PCDH15: variants seen among roughly 807,000 people sequenced by gnomAD.
The protein encoded by PCDH15 is protocadherin related 15, also known as protocadherin-15.
A neutral mutation model predicts 178.5 loss-of-function variants in PCDH15; 129 were observed. The ratio of observed to expected loss-of-function variants is 0.72; its 90% CI spans 0.63 to 0.84. The LOEUF is 0.84. Ranked by LOEUF, PCDH15 falls within the 40% of genes least tolerant of loss-of-function variation. PCDH15 has a pLI of 0.00. For missense variants in PCDH15, 2,230 were observed against 2,099.9 expected (o/e 1.06, Z -1.21); for synonymous variants, 800 against 732.0 (o/e 1.09, Z -1.50).
intron 1 of PCDH15, among the ~76,000 whole-genome samples, chr10:54,776,424 C>T (rs193109324): frequency 1.2e-4 from 18 of 150,116 alleles, no homozygotes; most frequent in African/African-American, 4.2e-4. Context: ...AGACACAGTT[C>T]TAACCATACA....
chr10:54,291,488 G>A (rs988179577), intron 8 of PCDH15, among the ~76,000 whole-genome samples: 53 of 152,146 alleles, frequency 3.5e-4, no homozygotes, highest in Non-Finnish European at 4.4e-5. Flanking sequence ...AGAACTGAAG[G>A]AGATAGGGAC....
chr10:54,655,296 G>GAC (rs1242176478), intron 2 of PCDH15, among the ~76,000 whole-genome samples: 21 of 120,128 alleles, frequency 1.7e-4, no homozygotes, highest in East Asian at 5.4e-4. Context: ...GAGAGAGAGA[G>GAC]AGAGAGACAG....
chr10:54,045,173 G>C (rs986902649), intron 18 of PCDH15, among the ~76,000 whole-genome samples: 1 of 151,510 alleles, frequency 6.6e-6, no homozygotes, highest in Non-Finnish European at 1.5e-5. Flanking sequence ...AGATGGAAAT[G>C]ACAAATCAAG....
intron 2 of PCDH15, among the ~76,000 whole-genome samples, chr10:55,425,468 C>T (rs1436758367): frequency 6.6e-6 from 1 of 151,972 alleles, no homozygotes; most frequent in Non-Finnish European, 1.5e-5. Flanking sequence ...ATATAAATAG[C>T]TATATTCAGA....
At chr10:54,366,028 T>C (rs1293931658) in intron 5 of PCDH15, among the ~76,000 whole-genome samples, 1 of 152,110 alleles carries the variant, frequency 6.6e-6, no homozygotes, top group African/African-American at 2.4e-5. Context: ...TGAAAGTAGT[T>C]ATAATTTAGA....
In PCDH15 at chr10:54,923,124, T is replaced by C. The variant is rs1837537059; in HGVS notation, c.-79-25624A>G. Among the ~76,000 whole-genome samples, 2 of 108,980 alleles carry C rather than the reference T, an allele frequency of 1.8e-5. 1 individual carries two copies. Among genetic ancestry groups the C allele is most frequent in the Non-Finnish European group, 4.7e-5 (2 of 42,574 alleles). 71.5% of individuals were successfully genotyped at this position (108,980 alleles called of 152,430 possible). A position where few individuals can be genotyped will look rare whatever the true frequency, so the allele number is the denominator to read the frequency against. On this transcript the variant is annotated intron_variant, in intron 2 of 5. Coordinates refer to the PCDH15 transcript ENST00000458638. ...CCTGCAGGCCCAACCACGTGGAAGC[T>C]GCCCAGGCTTGAGGATTGTACCCTC... is the stretch of plus-strand genomic sequence containing the variant.
intron 21 of PCDH15, among the ~76,000 whole-genome samples, chr10:53,984,282 T>A (rs1280260468): frequency 6.6e-6 from 1 of 151,304 alleles, no homozygotes. Context: ...CCCAAGTAGC[T>A]GGGACTACAG....
chr10:54,212,472 C>T (rs966544458), intron 10 of PCDH15, among the ~76,000 whole-genome samples: 17 of 152,164 alleles, frequency 1.1e-4, no homozygotes, highest in Admixed American at 4.6e-4. Context: ...TACTTCTGTG[C>T]CTCCTTATGT....
rs140954441 is a variant in PCDH15, at chr10:55,391,836, C to T, written c.-155-225185G>A. Among the ~76,000 whole-genome samples, 197 of 152,314 alleles carry T rather than the reference C, an allele frequency of 1.3e-3. 3 individuals are homozygous for T. The highest frequency in any genetic ancestry group is 4.7e-3 in the African/African-American group (196 of 41,584). On this transcript the variant is annotated intron_variant, in intron 2 of 5. Coordinates refer to the PCDH15 transcript ENST00000613346. The stretch of plus-strand genomic sequence containing the variant: ...AATAATTTTTCCTCAACATTCACAA[C>T]CCGGCTAACTGTTTGGCCTAAGAGG...
intron 25 of PCDH15, among the ~76,000 whole-genome samples, chr10:53,936,781 T>A (rs2085614291): frequency 6.6e-6 from 1 of 152,182 alleles, no homozygotes; most frequent in South Asian, 2.1e-4. Flanking sequence ...ATTACACTTC[T>A]GATTTTTATT....
At chr10:54,837,811 A>T (rs1389196887) in intron 3 of PCDH15, among the ~76,000 whole-genome samples, 1 of 152,122 alleles carries the variant, frequency 6.6e-6, no homozygotes, top group African/African-American at 2.4e-5. Context: ...TACAAAATAG[A>T]GGAGGGTCAC....
chr10:54,988,759 T>G, intron 2 of PCDH15, among the ~76,000 whole-genome samples: 1 of 152,058 alleles, frequency 6.6e-6, no homozygotes, highest in East Asian at 1.9e-4. Context: ...TTCAGAAAAT[T>G]TGCAGCCTGA....
intron 13 of PCDH15, among the ~76,000 whole-genome samples, chr10:54,172,687 A>AT (rs1410492393): frequency 1.1e-4 from 16 of 152,332 alleles, no homozygotes; most frequent in African/African-American, 3.6e-4. Flanking sequence ...TTCAAGTCAA[A>AT]TATCTAGTAA....
At chr10:54,100,826 G>GT (rs1196415242) in intron 15 of PCDH15, among the ~76,000 whole-genome samples, 1 of 151,744 alleles carries the variant, frequency 6.6e-6, no homozygotes, top group African/African-American at 2.4e-5. Context: ...ACCACTTAAG[G>GT]TGGGGGGGGA....
chr10:53,900,917 T>C (rs2082294595), intron 26 of PCDH15, among the ~76,000 whole-genome samples: 1 of 152,160 alleles, frequency 6.6e-6, no homozygotes, highest in African/African-American at 2.4e-5. Context: ...TGGCTTATCT[T>C]TTTTTCCTAC....
chr10:55,396,986 C>A (rs1837945817), intron 2 of PCDH15, among the ~76,000 whole-genome samples: 1 of 152,080 alleles, frequency 6.6e-6, no homozygotes, highest in Non-Finnish European at 1.5e-5. Flanking sequence ...GTGTGAGTAT[C>A]CTTAGAAATA....
At chr10:55,514,502 A>C (rs1840962299) in intron 2 of PCDH15, among the ~76,000 whole-genome samples, 1 of 152,198 alleles carries the variant, frequency 6.6e-6, no homozygotes, top group Admixed American at 6.5e-5. Context: ...AAATCTAAAG[A>C]TACATGGGAA....
At chr10:54,442,459 T>TATACAC (rs1469736625) in intron 3 of PCDH15, among the ~76,000 whole-genome samples, 6 of 93,468 alleles carry the variant, frequency 6.4e-5, no homozygotes, top group African/African-American at 2.9e-4. Context: ...TATATATATA[T>TATACAC]ACAGTCTTTT....
At chr10:55,368,018 C>T (rs79131307) in intron 2 of PCDH15, among the ~76,000 whole-genome samples, 1,918 of 152,216 alleles carry the variant, frequency 0.013, 33 homozygotes, top group African/African-American at 0.044. Context: ...ATTAAAACTA[C>T]TTAATCCTTT....
Sources: gnomAD v4.1 joint callset for allele counts (sites outside exome capture counted in the v4.1 genomes callset) on GRCh38, gnomAD v4.1.1 for gene constraint, MANE v1.5 for transcripts, NCBI Gene and HGNC (gene_info 2026-07-23, HGNC 2026-07-21) for gene names.